The following PCDHGA10 variants were observed in gnomAD, a reference collection of about 807,000 sequenced individuals.
The protein encoded by PCDHGA10 is protocadherin gamma-A10.
A neutral mutation model predicts 59.5 loss-of-function variants in PCDHGA10; 42 were observed. That is an observed-to-expected ratio of 0.71 (90% CI 0.55 to 0.91). The LOEUF is 0.91. Among genes scored for constraint, PCDHGA10 ranks in the 40% least tolerant of loss-of-function variants. The pLI is 0.00. For synonymous variants in PCDHGA10, 511 were observed against 517.2 expected (o/e 0.99, Z 0.16); for missense variants, 1,111 against 1,198.2 (o/e 0.93, Z 1.07).
intron 1 of PCDHGA10, among the ~76,000 whole-genome samples, chr5:141,450,006 C>CTATTTT (rs70988802): frequency 0.12 from 16,177 of 132,696 alleles, 1,810 homozygotes; most frequent in African/African-American, 0.21. Flanking sequence ...TGCCATGTCT[C>CTATTTT]TTTTTTTTTT....
Position 141,421,724 on chromosome 5 carries a change from A to G in PCDHGA10, c.2436+6113A>G, listed in dbSNP as rs541532003. On this transcript the variant is annotated intron_variant, in intron 1 of 3. Transcript: ENST00000398610. ...GCTAGGGATCCAGATGTGGGCGTGA[A>G]CTCCCTCCAGAGCTACCAGCTCAGC... 250 of 1,613,766 alleles carry G rather than the reference A, an allele frequency of 1.5e-4. 5 individuals are homozygous for G. The South Asian group carries it at 2.6e-3, about 17-fold the overall frequency.
chr5:141,476,382 A>G lies in PCDHGA10; in HGVS notation c.2437-18425A>G, dbSNP rs777831089. ...CGGGAGACCGGAGAGATGTTTGTGA[A>G]CGACCGTCTGGATCGAGAGGAGCTG... On this transcript the variant is annotated intron_variant, in intron 1 of 3. Transcript: ENST00000398610. This position sits in a 1 kb window ranked among gnomAD's most constrained non-coding sequence, Gnocchi z 7.6. 3.7e-6 allele frequency: 6 copies of G among 1,613,866 alleles called. No individual in the cohort carries two copies. The East Asian group carries it at 1.3e-4, about 36-fold the overall frequency.
At chr5:141,480,956 C>G (rs2099528870) in intron 1 of PCDHGA10, among the ~76,000 whole-genome samples, 1 of 152,064 alleles carries the variant, frequency 6.6e-6, no homozygotes, top group South Asian at 2.1e-4. Flanking sequence ...GAGGCGGAAG[C>G]ATCAGTGAGG....
chr5:141,428,040 G>T, intron 1 of PCDHGA10: 1 of 1,608,668 alleles, frequency 6.2e-7, no homozygotes, highest in Non-Finnish European at 8.5e-7. Flanking sequence ...CGGCTACCTG[G>T]TGACCAAGGT....
At chr5:141,456,364 G>A (rs778916049) in intron 1 of PCDHGA10, among the ~76,000 whole-genome samples, 2 of 152,258 alleles carry the variant, frequency 1.3e-5, no homozygotes, top group Admixed American at 6.5e-5. Flanking sequence ...TCCATGTGTG[G>A]TTCAGTTTAC....
At chr5:141,421,934 T>C (rs1478005202) in intron 1 of PCDHGA10, 1 of 1,613,548 alleles carries the variant, frequency 6.2e-7, no homozygotes, top group Admixed American at 1.7e-5. Context: ...GTCCTCGATG[T>C]AAATGATCAC....
chr5:141,452,587 A>G (rs1171400700), intron 1 of PCDHGA10, among the ~76,000 whole-genome samples: 1 of 151,948 alleles, frequency 6.6e-6, no homozygotes, highest in Non-Finnish European at 1.5e-5. Context: ...CCATCTTTGT[A>G]TTTTTATTTT....
intron 1 of PCDHGA10, among the ~76,000 whole-genome samples, chr5:141,480,240 C>CAAA (rs11374694): frequency 1.8e-5 from 2 of 114,046 alleles, no homozygotes; most frequent in Non-Finnish European, 3.8e-5. Context: ...CCTGTCTCTA[C>CAAA]AAAAAAAAAA....
chr5:141,420,156 A>T lies in PCDHGA10; in HGVS notation c.2436+4545A>T, dbSNP rs1406451882. ...GGGGATCAAATGAATCCAGAATTTA[A>T]TTTTTTCACATCTGTTGATCATTGT... On this transcript the variant is annotated intron_variant, in intron 1 of 3. Coordinates refer to ENST00000398610, the MANE Select transcript of PCDHGA10 (RefSeq NM_018913.3). The T allele has an allele frequency of 1.4e-5, 22 of 1,613,872 alleles. No individual in the cohort carries two copies. Among genetic ancestry groups the T allele is most frequent in the Middle Eastern group, 3.3e-4 (2 of 6,084 alleles).
intron 2 of PCDHGA10, among the ~76,000 whole-genome samples, chr5:141,495,700 T>A (rs2099763052): frequency 6.6e-6 from 1 of 152,228 alleles, no homozygotes; most frequent in Non-Finnish European, 1.5e-5. Flanking sequence ...GCTCAATAAA[T>A]GTGGAGTGAG....
In PCDHGA10 at chr5:141,512,809, A is replaced by C. The variant is rs2099884438; in HGVS notation, c.*1636A>C. ...GTGTTTTGTGCTGTGTCCACGCGCT[A>C]AGGCGACCCCCTCCCCCGTACTGAC... On this transcript the variant is annotated 3_prime_UTR_variant, in exon 4 of 4. Coordinates refer to ENST00000398610, the MANE Select transcript of PCDHGA10 (RefSeq NM_018913.3). 6.6e-6 allele frequency: 1 copy of C among 152,130 alleles called. No homozygotes were observed. The highest frequency in any genetic ancestry group is 2.4e-5 in the African/African-American group (1 of 41,404). The allele number at this position is 152,130 out of a possible 1,614,324, so 9.4% of individuals were successfully genotyped here. A position where few individuals can be genotyped will look rare whatever the true frequency, so the allele number is the denominator to read the frequency against.
chr5:141,478,038 G>A lies in PCDHGA10; in HGVS notation c.2437-16769G>A, dbSNP rs1401384720. ...CCAGTCCAAGACACAGATTCACCCA[G>A]GCAGACTCTCACGGTCTTGATCAAA... On this transcript the variant is annotated intron_variant, in intron 1 of 3. Transcript: ENST00000398610. 8 of 1,614,006 alleles carry A rather than the reference G, an allele frequency of 5.0e-6. No homozygotes were observed. In the African/African-American group the frequency reaches 1.1e-4, roughly 22 times the overall value.
chr5:141,432,400 G>A lies in PCDHGA10; in HGVS notation c.2436+16789G>A, dbSNP rs139153105. ...ACCCGCCCCTCAGCAGCAACGTGTC[G>A]TTGAGCCTGTTCGTGCTGGACCAGA... On this transcript the variant is annotated intron_variant, in intron 1 of 3. Transcript: ENST00000398610. The surrounding 1 kb of genome is among the most constrained non-coding windows in gnomAD (Gnocchi z 6.0). 5.6e-6 allele frequency: 9 copies of A among 1,614,122 alleles called. No homozygotes were observed. In the East Asian group the frequency reaches 6.7e-5, roughly 12 times the overall value.
chr5:141,496,342 G>A (rs1430202202), intron 2 of PCDHGA10, among the ~76,000 whole-genome samples: 1 of 152,208 alleles, frequency 6.6e-6, no homozygotes, highest in East Asian at 1.9e-4. Context: ...GAGCCTGGAG[G>A]AGTCTCAGAG....
At chr5:141,442,049 C>A in intron 1 of PCDHGA10, 2 of 202,550 alleles carry the variant, frequency 9.9e-6, no homozygotes, top group South Asian at 1.3e-4. Flanking sequence ...GCCTACTGGT[C>A]GCGGTGCACT....
intron 1 of PCDHGA10, among the ~76,000 whole-genome samples, chr5:141,454,195 T>A (rs1295815862): frequency 1.3e-5 from 2 of 152,136 alleles, no homozygotes; most frequent in Admixed American, 1.3e-4. Flanking sequence ...TTAGTGAAGG[T>A]GAATTTATTG....
intron 1 of PCDHGA10, among the ~76,000 whole-genome samples, chr5:141,461,001 A>G (rs1309762345): frequency 4.0e-5 from 6 of 150,320 alleles, no homozygotes; most frequent in South Asian, 4.2e-4. Context: ...ATATATGTGT[A>G]TATATATATA....
At position 141,498,971 on chromosome 5, in the gene PCDHGA10, G is replaced by GGGAAGGAAGGAA. The variant is rs201769957; in HGVS notation, c.2495+4152_2495+4163dup. On this transcript the variant is annotated intron_variant, in intron 2 of 3. Coordinates refer to ENST00000398610, the MANE Select transcript of PCDHGA10 (RefSeq NM_018913.3). ...AAAAAGAGAGAGAGGGAGGGAGGGA[G>GGGAAGGAAGGAA]GGAAGGAAGGAAGGAAGGAAGGAAG... 6.8e-3 allele frequency among the ~76,000 whole-genome samples: 758 copies of GGGAAGGAAGGAA among 111,036 alleles called. 12 individuals are homozygous for GGGAAGGAAGGAA. Among genetic ancestry groups the GGGAAGGAAGGAA allele is most frequent in the African/African-American group, 0.021 (585 of 27,816 alleles). 72.8% of individuals were successfully genotyped at this position (111,036 alleles called of 152,430 possible). A position where few individuals can be genotyped will look rare whatever the true frequency, so the allele number is the denominator to read the frequency against.
intron 1 of PCDHGA10, chr5:141,423,461 A>G (rs1590478217): frequency 6.2e-7 from 1 of 1,613,982 alleles, no homozygotes; most frequent in Non-Finnish European, 8.5e-7. Context: ...GTAGGCGTGG[A>G]CGGGGTACAG....
Sources: gnomAD v4.1 joint callset for allele counts (sites outside exome capture counted in the v4.1 genomes callset) on GRCh38, gnomAD v4.1.1 for gene constraint, Gnocchi (gnomAD v3.1) non-coding constraint, MANE v1.5 for transcripts, NCBI Gene and HGNC (gene_info 2026-07-23, HGNC 2026-07-21) for gene names.